The following POU6F2 variants were observed in gnomAD, a reference collection of about 807,000 sequenced individuals.
POU6F2 encodes the protein POU domain, class 6, transcription factor 2.
In POU6F2, 31 loss-of-function variants were observed where a neutral mutation model predicts 71.3. That is an observed-to-expected ratio of 0.43 (90% CI 0.33 to 0.59). The LOEUF (loss-of-function observed/expected upper bound fraction) is 0.59, where lower values mean the gene tolerates loss of function less well. Among genes scored for constraint, POU6F2 ranks in the 20% least tolerant of loss-of-function variants. The pLI is 0.04. For synonymous variants in POU6F2, 347 were observed against 355.7 expected, an observed-to-expected ratio of 0.98 and a Z score of 0.27; for missense variants, 783 against 856.8, an observed-to-expected ratio of 0.91 and a Z score of 1.07.
chr7:39,197,028 G>C (rs1341469644), intron 2 of POU6F2, among the ~76,000 whole-genome samples: 1 of 152,184 alleles, frequency 6.6e-6, no homozygotes, highest in Non-Finnish European at 1.5e-5. Flanking sequence ...ATGCCCTGAG[G>C]TCACCATCCT....
At chr7:39,122,626 T>A (rs528205232) in intron 2 of POU6F2, among the ~76,000 whole-genome samples, 1 of 152,262 alleles carries the variant, frequency 6.6e-6, no homozygotes, top group East Asian at 1.9e-4. Context: ...GATTGACTGC[T>A]ATCTTAACCT....
chr7:39,386,975 G>A (rs748722753), intron 5 of POU6F2, among the ~76,000 whole-genome samples: 1 of 152,226 alleles, frequency 6.6e-6, no homozygotes, highest in Non-Finnish European at 1.5e-5. Flanking sequence ...AACAGTCTAA[G>A]CTGGAACAGC....
At chr7:39,367,056 A>G (rs1459276246) in intron 5 of POU6F2, among the ~76,000 whole-genome samples, 1 of 152,082 alleles carries the variant, frequency 6.6e-6, no homozygotes, top group Non-Finnish European at 1.5e-5. Flanking sequence ...AAGAGGGGCA[A>G]TATTTTGAGA....
At position 39,089,405 on chromosome 7, in the gene POU6F2, C is replaced by T. The variant is rs190448706; in HGVS notation, c.277+3374C>T. The stretch of plus-strand genomic sequence containing the variant: ...GGTGGGGGATTATCAGAGAATCTGG[C>T]GCTGTGTCTCACAGGGCTTTAGCTG... On this transcript the variant is annotated intron_variant, in intron 2 of 9. Transcript: ENST00000518318. Among the ~76,000 whole-genome samples, 11 of 152,232 alleles carry T rather than the reference C, an allele frequency of 7.2e-5. No homozygotes were observed. The East Asian group carries it at 1.4e-3, about 19-fold the overall frequency.
chr7:39,419,402 C>G (rs986331255), intron 6 of POU6F2, among the ~76,000 whole-genome samples: 1 of 151,726 alleles, frequency 6.6e-6, no homozygotes, highest in Non-Finnish European at 1.5e-5. Context: ...TCACGGCCCA[C>G]TAATTTTCGT....
intron 8 of POU6F2, among the ~76,000 whole-genome samples, chr7:39,453,985 A>G (rs1339274781): frequency 1.3e-5 from 2 of 152,178 alleles, no homozygotes; most frequent in Non-Finnish European, 1.5e-5. Flanking sequence ...GAGTTGCCAC[A>G]AATTTTGAGC....
chr7:39,224,678 A>G (rs954260409), intron 4 of POU6F2, among the ~76,000 whole-genome samples: 8 of 152,234 alleles, frequency 5.3e-5, no homozygotes, highest in Non-Finnish European at 1.0e-4. Context: ...AGGCAGAAAA[A>G]AAGCAAAAAC....
chr7:39,045,079 A>G (rs1195523586), intron 1 of POU6F2, among the ~76,000 whole-genome samples: 2 of 151,952 alleles, frequency 1.3e-5, no homozygotes, highest in African/African-American at 4.8e-5. Flanking sequence ...GTACACAGGT[A>G]TCCATCTCAT....
intron 5 of POU6F2, among the ~76,000 whole-genome samples, chr7:39,399,650 T>C (rs963927213): frequency 2.0e-5 from 3 of 151,904 alleles, no homozygotes; most frequent in African/African-American, 7.3e-5. Context: ...GCCCAGGAGT[T>C]TGAGACCAGA....
chr7:39,256,858 A>G (rs1203258060), intron 4 of POU6F2, among the ~76,000 whole-genome samples: 2 of 152,214 alleles, frequency 1.3e-5, no homozygotes, highest in Non-Finnish European at 2.9e-5. Flanking sequence ...TAGAGCCTCC[A>G]GGAAGAAACA....
rs1562716945 is a variant in POU6F2, at chr7:39,130,150, GT to G, written c.277+44120del. On this transcript the variant is annotated intron_variant, in intron 2 of 9. Transcript: ENST00000518318. ...TTTTAAAGTAAAGAAAGGGGTAGGT[GT>G]GTGTGTGTGTGTGTGTGTGTGTGTG... is the stretch of plus-strand genomic sequence containing the variant. Among the ~76,000 whole-genome samples, 29 of 13,240 alleles carry G rather than the reference GT, an allele frequency of 2.2e-3. No homozygotes were observed. In the East Asian group the frequency reaches 0.11, roughly 52 times the overall value. The allele number at this position is 13,240 out of a possible 152,430, so 8.7% of individuals were successfully genotyped here.
chr7:39,417,074 G>C (rs1787697890), intron 6 of POU6F2, among the ~76,000 whole-genome samples: 1 of 152,180 alleles, frequency 6.6e-6, no homozygotes, highest in Non-Finnish European at 1.5e-5. Context: ...AGGAGGAAGT[G>C]CTGAATTTTG....
At chr7:39,144,651 C>T (rs1296616694) in intron 2 of POU6F2, among the ~76,000 whole-genome samples, 1 of 152,186 alleles carries the variant, frequency 6.6e-6, no homozygotes, top group Non-Finnish European at 1.5e-5. Flanking sequence ...GTGAGTTTCT[C>T]TTATGGTTTG....
chr7:39,389,352 C>A (rs1165722569), intron 5 of POU6F2, among the ~76,000 whole-genome samples: 1 of 152,116 alleles, frequency 6.6e-6, no homozygotes, highest in Non-Finnish European at 1.5e-5. Context: ...TAGAGCCAGG[C>A]TTTTAACTGT....
At chr7:39,344,330 A>G (rs567541689) in intron 5 of POU6F2, among the ~76,000 whole-genome samples, 30 of 152,230 alleles carry the variant, frequency 2.0e-4, no homozygotes, top group South Asian at 6.2e-4. Context: ...ATTCTCAACC[A>G]TGTGCATTTG....
chr7:39,355,338 G>A (rs73386421), intron 5 of POU6F2, among the ~76,000 whole-genome samples: 2,116 of 152,198 alleles, frequency 0.014, 39 homozygotes, highest in African/African-American at 0.046. Context: ...ATTTTTTTAA[G>A]GACACTTTCC....
chr7:39,356,764 C>G (rs1786269879), intron 5 of POU6F2, among the ~76,000 whole-genome samples: 1 of 152,134 alleles, frequency 6.6e-6, no homozygotes, highest in African/African-American at 2.4e-5. Context: ...ATAATTAGAA[C>G]CATGCTTGGC....
intron 4 of POU6F2, among the ~76,000 whole-genome samples, chr7:39,315,223 C>G (rs1026493180): frequency 1.3e-5 from 2 of 152,144 alleles, no homozygotes; most frequent in East Asian, 3.8e-4. Context: ...AGAGAATCTT[C>G]TTTTCACTTT....
At chr7:39,289,614 G>A (rs1220796733) in intron 4 of POU6F2, among the ~76,000 whole-genome samples, 2 of 152,280 alleles carry the variant, frequency 1.3e-5, no homozygotes, top group Admixed American at 6.5e-5. Flanking sequence ...AAATTCTAGT[G>A]TAGCTCTTGA....
Sources: gnomAD v4.1 joint callset for allele counts (sites outside exome capture counted in the v4.1 genomes callset) on GRCh38, gnomAD v4.1.1 for gene constraint, MANE v1.5 for transcripts, NCBI Gene and HGNC (gene_info 2026-07-23, HGNC 2026-07-21) for gene names.